The following PYGL variants were observed in gnomAD, a reference collection of about 807,000 sequenced individuals.
PYGL encodes glycogen phosphorylase, liver form.
In PYGL, 90 loss-of-function variants were observed where a neutral mutation model predicts 100.1. That is an observed-to-expected ratio of 0.90 (90% CI 0.76 to 1.07). PYGL has a LOEUF of 1.07. Ranked by LOEUF, PYGL falls within the 50% of genes least tolerant of loss-of-function variation. The probability of loss-of-function intolerance (pLI) is 0.00; values close to 1 mark genes in which losing one functional copy is unlikely to be tolerated. For missense variants in PYGL, 1,016 were observed against 1,057.6 expected, an observed-to-expected ratio of 0.96 and a Z score of 0.55; for synonymous variants, 373 against 393.0, an observed-to-expected ratio of 0.95 and a Z score of 0.60.
chr14:50,944,160 C>T lies in PYGL; in HGVS notation c.243+1G>A. On this transcript the variant is annotated splice_donor_variant, in intron 1 of 19. Transcript: ENST00000216392. LOFTEE classifies it high-confidence loss of function. ...CGGCCCGCCGTCCCGCCCCCGGTTACCTTGGGGCACTTGTCGTAGTAGTGC... is the reference window on the plus strand; with the variant it reads ...CGGCCCGCCGTCCCGCCCCCGGTTATCTTGGGGCACTTGTCGTAGTAGTGC... 1 of 1,603,676 alleles carries T rather than the reference C, an allele frequency of 6.2e-7. No homozygotes were observed.
At chr14:50,941,955 G>C (rs1164720045) in intron 1 of PYGL, among the ~76,000 whole-genome samples, 14 of 152,200 alleles carry the variant, frequency 9.2e-5, no homozygotes, top group Non-Finnish European at 1.6e-4. Context: ...CTGAGTTTGA[G>C]GAAATAGGAA....
chr14:50,916,077 G>C, intron 9 of PYGL, 106 bp from the exon 10 acceptor site: 1 of 1,468,536 alleles, frequency 6.8e-7, no homozygotes, highest in Non-Finnish European at 9.4e-7. Flanking sequence ...ACCATTCCAA[G>C]TGTGCATAGT....
intron 2 of PYGL, among the ~76,000 whole-genome samples, chr14:50,936,635 C>T (rs922284474): frequency 6.6e-6 from 1 of 152,062 alleles, no homozygotes; most frequent in African/African-American, 2.4e-5. Flanking sequence ...ATGGCGAAAC[C>T]CCATCTCTAC....
chr14:50,936,635 C>A (rs922284474), intron 2 of PYGL, among the ~76,000 whole-genome samples: 1 of 152,180 alleles, frequency 6.6e-6, no homozygotes, highest in South Asian at 2.1e-4. Context: ...ATGGCGAAAC[C>A]CCATCTCTAC....
intron 1 of PYGL, among the ~76,000 whole-genome samples, chr14:50,943,448 G>A (rs1433374162): frequency 2.0e-5 from 3 of 152,254 alleles, no homozygotes; most frequent in African/African-American, 7.2e-5. Context: ...AGCTCTGGGG[G>A]CAGGCCTCGG....
Position 50,909,921 on chromosome 14 carries a change from A to G in PYGL, c.2151T>C (p.Asp717=). The G allele has an allele frequency of 6.2e-7, 1 of 1,614,170 alleles. No individual in the cohort carries two copies. Among genetic ancestry groups the G allele is most frequent in the Non-Finnish European group, 8.5e-7 (1 of 1,180,024 alleles). Residue 717 remains aspartate (D), a synonymous_variant, in exon 17 of 20, where the codon GAT becomes GAC. Transcript: ENST00000216392. The stretch of plus-strand genomic sequence containing the variant: ...CTTTCTTGTCCAAAGCAGCCACATC[A>G]TCTATCCTCATGCCAAAGATGAACA... ...ENLFIFGMRI[D]DVAALDKKGY...
intron 9 of PYGL, 56 bp from the exon 10 acceptor site, chr14:50,916,027 G>A (rs576529318): frequency 6.2e-6 from 10 of 1,608,154 alleles, no homozygotes; most frequent in African/African-American, 5.3e-5. Context: ...CCCACTGCAC[G>A]GGCCAAACCC....
Position 50,924,451 on chromosome 14 carries a change from G to A in PYGL, c.529-351C>T, listed in dbSNP as rs148766425. Among the ~76,000 whole-genome samples the A allele has an allele frequency of 5.9e-4, 90 of 152,284 alleles. 1 individual carries two copies. Among genetic ancestry groups the A allele is most frequent in the Middle Eastern group, 3.4e-3 (1 of 294 alleles). On this transcript the variant is annotated intron_variant, in intron 4 of 19. Transcript: ENST00000216392. ...CCAGAGCCTCTGTCTTAACGTCTGT[G>A]AATCCAATTGTCCAGCTTCAGCTAA...
chr14:50,905,368 G>A lies in PYGL; in HGVS notation c.*24C>T, dbSNP rs771375063. On this transcript the variant is annotated 3_prime_UTR_variant, in exon 20 of 20. Coordinates refer to ENST00000216392, the MANE Select transcript of PYGL (RefSeq NM_002863.5). ...ATGTTCAAGTTCAGTAAGAAGCTAT[G>A]TTTTCTAGAGACAATTCTAGAGTTC... 1 of 1,576,508 alleles carries A rather than the reference G, an allele frequency of 6.3e-7. No individual in the cohort carries two copies. Among genetic ancestry groups the A allele is most frequent in the Non-Finnish European group, 8.6e-7 (1 of 1,160,308 alleles).
intron 2 of PYGL, among the ~76,000 whole-genome samples, chr14:50,937,259 GA>G (rs2050661629): frequency 6.6e-6 from 1 of 152,200 alleles, no homozygotes; most frequent in South Asian, 2.1e-4. Flanking sequence ...CTTTAAGGAG[GA>G]AGTGTATTTT....
chr14:50,942,729 G>A (rs144110581), intron 1 of PYGL, among the ~76,000 whole-genome samples: 1 of 139,350 alleles, frequency 7.2e-6, no homozygotes, highest in African/African-American at 2.5e-5. Flanking sequence ...TCTGAGGCAG[G>A]AGAATCGCTT....
intron 1 of PYGL, among the ~76,000 whole-genome samples, chr14:50,943,605 G>A (rs1221135651): frequency 6.6e-6 from 1 of 152,230 alleles, no homozygotes; most frequent in Non-Finnish European, 1.5e-5. Flanking sequence ...GGCGCTCTAC[G>A]CTTGGAGCGG....
chr14:50,944,067 C>G, intron 1 of PYGL, 94 bp downstream of exon 1: 2 of 1,445,080 alleles, frequency 1.4e-6, no homozygotes, highest in Non-Finnish European at 1.9e-6. Context: ...TGCAAGGGAC[C>G]ACTCTGAGGG....
intron 2 of PYGL, 149 bp downstream of exon 2, chr14:50,937,587 T>C (rs1310431674): frequency 9.8e-6 from 7 of 716,894 alleles, no homozygotes; most frequent in East Asian, 2.6e-5. Flanking sequence ...ACCAGTGATG[T>C]ATATTTCTAA....
chr14:50,914,246 AG>A (rs1441068532), intron 12 of PYGL, among the ~76,000 whole-genome samples: 1 of 152,232 alleles, frequency 6.6e-6, no homozygotes, highest in African/African-American at 2.4e-5. Context: ...CTGTATTCCC[AG>A]CACTTTGGGA....
intron 5 of PYGL, 81 bp from the exon 6 acceptor site, chr14:50,921,148 A>G (rs1230522773): frequency 2.9e-5 from 32 of 1,087,592 alleles, no homozygotes; most frequent in Non-Finnish European, 5.7e-6. Context: ...GGAGACTGCA[A>G]TGGAATTCTA....
intron 11 of PYGL, among the ~76,000 whole-genome samples, 200 bp from the exon 12 acceptor site, chr14:50,915,015 A>G (rs182745763): frequency 8.3e-4 from 126 of 152,334 alleles, no homozygotes; most frequent in African/African-American, 2.8e-3. Context: ...TACCAGAAAA[A>G]TTCCAAATCT....
At chr14:50,927,396 T>C (rs1180421119) in intron 4 of PYGL, among the ~76,000 whole-genome samples, 1 of 152,034 alleles carries the variant, frequency 6.6e-6, no homozygotes. Context: ...AACTAATTTT[T>C]GTATTTTTAG....
At chr14:50,921,262 G>T in intron 5 of PYGL, 195 bp from the exon 6 acceptor site, 1 of 586,168 alleles carries the variant, frequency 1.7e-6, no homozygotes, top group Non-Finnish European at 3.0e-6. Flanking sequence ...TCCCCGACCT[G>T]GTACAATCTA....
Sources: gnomAD v4.1 joint callset for allele counts (sites outside exome capture counted in the v4.1 genomes callset) on GRCh38, gnomAD v4.1.1 for gene constraint, MANE v1.5 for transcripts, NCBI Gene and HGNC (gene_info 2026-07-23, HGNC 2026-07-21) for gene names.